MAD1L1: variants seen among roughly 807,000 people sequenced by gnomAD.
The protein encoded by MAD1L1 is mitotic spindle assembly checkpoint protein MAD1.
A neutral mutation model predicts 96.9 loss-of-function variants in MAD1L1; 95 were observed. The observed-to-expected ratio is 0.98, with a 90% CI of 0.83 to 1.16. The LOEUF is 1.16. Among genes scored for constraint, MAD1L1 ranks in the 50% most tolerant of loss-of-function variants. MAD1L1 has a pLI of 0.00. For missense variants in MAD1L1, 1,007 were observed against 954.4 expected, an observed-to-expected ratio of 1.06 and a Z score of -0.73; for synonymous variants, 473 against 396.6, an observed-to-expected ratio of 1.19 and a Z score of -2.29.
chr7:2,123,722 CG>C (rs1562709154), intron 11 of MAD1L1, among the ~76,000 whole-genome samples: 2 of 152,202 alleles, frequency 1.3e-5, no homozygotes, highest in African/African-American at 4.8e-5. Context: ...TCGCAGGCGG[CG>C]CTGAATCGAT....
At chr7:1,996,872 G>GTAATCA (rs1562593346) in intron 14 of MAD1L1, among the ~76,000 whole-genome samples, 1 of 94,572 alleles carries the variant, frequency 1.1e-5, no homozygotes, top group Non-Finnish European at 2.6e-5. Context: ...TTTTAGAGCT[G>GTAATCA]AGAGCGGCGT....
At chr7:2,106,076 A>G (rs1196327619) in intron 11 of MAD1L1, among the ~76,000 whole-genome samples, 1 of 113,180 alleles carries the variant, frequency 8.8e-6, no homozygotes, top group Non-Finnish European at 1.8e-5. Flanking sequence ...CCTATCTATC[A>G]CACACAGCGC....
intron 10 of MAD1L1, among the ~76,000 whole-genome samples, chr7:2,203,926 G>T: frequency 6.6e-6 from 1 of 152,340 alleles, no homozygotes; most frequent in Middle Eastern, 3.4e-3. Context: ...ACAAGGTGAC[G>T]ATGGCTAGGA....
intron 13 of MAD1L1, among the ~76,000 whole-genome samples, chr7:2,003,892 C>A (rs1781913943): frequency 1.3e-5 from 2 of 152,204 alleles, no homozygotes; most frequent in African/African-American, 2.4e-5. Context: ...CAGCTGAACC[C>A]TGGATAATCC....
At chr7:2,207,802 G>C (rs1399920212) in intron 10 of MAD1L1, among the ~76,000 whole-genome samples, 1 of 152,174 alleles carries the variant, frequency 6.6e-6, no homozygotes, top group East Asian at 1.9e-4. Context: ...CAGTGAAAGA[G>C]GAAGAGAAGA....
intron 12 of MAD1L1, among the ~76,000 whole-genome samples, chr7:2,026,742 C>T (rs1783011717): frequency 6.6e-6 from 1 of 152,018 alleles, no homozygotes; most frequent in Admixed American, 6.6e-5. Flanking sequence ...GACTTGAGCC[C>T]AATGATAAGG....
At chr7:1,855,747 C>T (rs746519352) in intron 18 of MAD1L1, among the ~76,000 whole-genome samples, 14 of 152,340 alleles carry the variant, frequency 9.2e-5, no homozygotes, top group Admixed American at 3.3e-4. Flanking sequence ...GGCCTGTTCT[C>T]GGCAACATCT....
At chr7:1,871,367 C>T (rs113738103) in intron 18 of MAD1L1, among the ~76,000 whole-genome samples, 24,515 of 124,470 alleles carry the variant, frequency 0.2, 1,312 homozygotes, top group African/African-American at 0.32. Context: ...CCAACATATG[C>T]CTGCCACGCT....
intron 10 of MAD1L1, among the ~76,000 whole-genome samples, chr7:2,154,620 G>C (rs530621463): frequency 6.6e-6 from 1 of 152,160 alleles, no homozygotes; most frequent in Admixed American, 6.5e-5. Flanking sequence ...AAAATATTAT[G>C]TATAAAAATA....
intron 13 of MAD1L1, among the ~76,000 whole-genome samples, chr7:2,004,652 C>G (rs573477970): frequency 6.6e-6 from 1 of 152,364 alleles, no homozygotes; most frequent in African/African-American, 2.4e-5. Context: ...CAGGCCACAG[C>G]AGCCTCAGCC....
At chr7:1,881,616 T>C (rs1455508581) in intron 18 of MAD1L1, among the ~76,000 whole-genome samples, 1 of 152,344 alleles carries the variant, frequency 6.6e-6, no homozygotes, top group East Asian at 1.9e-4. Flanking sequence ...TAGCACATTA[T>C]GCAACCATTA....
chr7:1,823,163 C>A (rs1254430566), intron 18 of MAD1L1, among the ~76,000 whole-genome samples: 1 of 152,112 alleles, frequency 6.6e-6, no homozygotes, highest in Non-Finnish European at 1.5e-5. Flanking sequence ...GGAGGAAGGG[C>A]AGCCTTGTCT....
At chr7:1,852,130 C>A (rs1000807788) in intron 18 of MAD1L1, among the ~76,000 whole-genome samples, 22 of 152,264 alleles carry the variant, frequency 1.4e-4, no homozygotes, top group African/African-American at 4.8e-4. Flanking sequence ...TGGGGCAGAG[C>A]GGGTCGGGGA....
At chr7:1,914,854 C>A (rs1221189038) in intron 17 of MAD1L1, among the ~76,000 whole-genome samples, 1 of 152,208 alleles carries the variant, frequency 6.6e-6, no homozygotes, top group Non-Finnish European at 1.5e-5. Context: ...CTCTGGCAAT[C>A]CCCTGTACCT....
chr7:1,887,171 G>A (rs760522452), intron 18 of MAD1L1, among the ~76,000 whole-genome samples: 19 of 152,266 alleles, frequency 1.2e-4, no homozygotes, highest in Non-Finnish European at 2.6e-4. Context: ...ACAGAAGCAG[G>A]TGCCACATGG....
chr7:2,160,894 A>T (rs906446071), intron 10 of MAD1L1, among the ~76,000 whole-genome samples: 1 of 152,220 alleles, frequency 6.6e-6, no homozygotes, highest in Non-Finnish European at 1.5e-5. Flanking sequence ...AGAATCAGGT[A>T]CTACATAAAA....
At chr7:1,895,809 C>T (rs773225463) in intron 18 of MAD1L1, among the ~76,000 whole-genome samples, 11 of 152,242 alleles carry the variant, frequency 7.2e-5, no homozygotes, top group Non-Finnish European at 1.5e-4. Flanking sequence ...CCTGCAAAGT[C>T]ACATTCACAC....
chr7:2,105,920 A>G (rs1255973402), intron 11 of MAD1L1, among the ~76,000 whole-genome samples: 1 of 151,956 alleles, frequency 6.6e-6, no homozygotes, highest in African/African-American at 2.4e-5. Context: ...GCACAGTCCC[A>G]GAGCCCTATC....
Position 1,838,580 on chromosome 7 carries a change from G to A in MAD1L1, c.1999-22352C>T, listed in dbSNP as rs533882890. ...GCTCAGCGAAAGATGCCAGATGCCA[G>A]AGACCACTCGCCGCTGAGCCCATCT... is the stretch of plus-strand genomic sequence containing the variant. On this transcript the variant is annotated intron_variant, in intron 18 of 18. Transcript: ENST00000265854. The A allele has an allele frequency of 8.7e-4, 312 of 358,354 alleles. 1 individual carries two copies. The highest frequency in any genetic ancestry group is 4.4e-3 in the Admixed American group (119 of 27,222). The allele number at this position is 358,354 out of a possible 1,614,324, so 22.2% of individuals were successfully genotyped here. A position where few individuals can be genotyped will look rare whatever the true frequency, so the allele number is the denominator to read the frequency against.
Sources: gnomAD v4.1 joint callset for allele counts (sites outside exome capture counted in the v4.1 genomes callset) on GRCh38, gnomAD v4.1.1 for gene constraint, MANE v1.5 for transcripts, NCBI Gene and HGNC (gene_info 2026-07-23, HGNC 2026-07-21) for gene names.